Variants in ZNF208 observed in about 807,000 individuals in gnomAD.
ZNF208 encodes the protein zinc finger protein 208, also known as zinc finger protein 95.
ZNF208 carries 10 observed loss-of-function variants against 12.1 expected under a neutral mutation model. That is an observed-to-expected ratio of 0.83 (90% CI 0.51 to 1.40). The LOEUF (loss-of-function observed/expected upper bound fraction) is 1.40. Among genes scored for constraint, ZNF208 ranks in the 40% most tolerant of loss-of-function variants. The pLI is 0.00. For synonymous variants in ZNF208, 497 were observed against 488.4 expected (o/e 1.02, Z -0.23); for missense variants, 1,652 against 1,485.0 (o/e 1.11, Z -1.85).
rs1244440319 is a variant in ZNF208 at position 21,969,142 on chromosome 19, TTTTAGTAAACATG to T, written c.*2036_*2048del. ...GACCTTGGCTAATTTCTTTATTTCT[TTTTAGTAAACATG>T]TTTAGTAAACATTTCTTTTTAGTTC... On this transcript the variant is annotated 3_prime_UTR_variant, in exon 4 of 4. Transcript: ENST00000397126. Among the ~76,000 whole-genome samples, 9 of 152,266 alleles carry T rather than the reference TTTTAGTAAACATG, an allele frequency of 5.9e-5. No homozygotes were observed. The East Asian group carries it at 1.2e-3, about 20-fold the overall frequency.
At chr19:21,961,647 C>T (rs375013225), downstream of ZNF208, among the ~76,000 whole-genome samples, 159 of 152,132 alleles carry the variant, frequency 1.0e-3, no homozygotes, top group South Asian at 0.011. Context: ...GACAGACACT[C>T]CCAGAGCGGC....
Position 21,968,979 on chromosome 19 carries a change from T to TA in ZNF208, c.*2211dup, listed in dbSNP as rs1476139773. Among the ~76,000 whole-genome samples, 1 of 152,106 alleles carries TA rather than the reference T, an allele frequency of 6.6e-6. No homozygotes were observed. The highest frequency in any genetic ancestry group is 1.5e-5 in the Non-Finnish European group (1 of 68,024). ...GTGGGCATATCATGAGGTCAGGAGA[T>TA]AGAGACCGTCCTGGCTAATATGGTG... On this transcript the variant is annotated 3_prime_UTR_variant, in exon 4 of 4. Transcript: ENST00000397126.
downstream of ZNF208, among the ~76,000 whole-genome samples, chr19:21,964,060 A>G (rs1970121573): frequency 6.6e-6 from 1 of 151,980 alleles, no homozygotes; most frequent in African/African-American, 2.4e-5. Flanking sequence ...TAATTATTCC[A>G]TATTTTATAC....
In ZNF208 at chr19:21,971,332, A is replaced by G. The variant is rs777029455; in HGVS notation, c.3702T>C (p.Phe1234=). The G allele has an allele frequency of 6.2e-7, 1 of 1,608,306 alleles. No individual in the cohort carries two copies. The highest frequency in any genetic ancestry group is 1.4e-5 in the African/African-American group (1 of 73,796). The change falls in exon 4 of 4, where the codon TTT becomes TTC. Residue 1234 remains phenylalanine (F), a synonymous_variant. Transcript: ENST00000397126. ...GTTTAGTGAGGATTGAGAACGTACT[A>G]AAGGCTTTGCCACATTCTTCACATT... The part of the protein sequence containing the change: ...PYKCEECGKA[F]STFSILTKHK...
At chr19:22,003,588 T>G (rs1294753858) in intron 1 of ZNF208, among the ~76,000 whole-genome samples, 1 of 151,580 alleles carries the variant, frequency 6.6e-6, no homozygotes, top group African/African-American at 2.4e-5. Context: ...TGCTCATCAC[T>G]AATCATTAGA....
rs376894168 is a variant in ZNF208, at chr19:21,974,216, G to A, written c.818C>T (p.Thr273Ile). 1.7e-4 allele frequency: 275 copies of A among 1,601,774 alleles called. 3 individuals are homozygous for A. The highest frequency in any genetic ancestry group is 2.3e-4 in the Non-Finnish European group (266 of 1,170,740). ...GKAFNQSAIL[T>I]KHKIIHTGEK... ...TCCAGTATGAATTATCTTATGTTTA[G>A]TAAGGATTGCAGATTGGTTAAAAGC... Residue 273 changes from threonine to isoleucine, a missense_variant, in exon 4 of 4, where the codon ACT becomes ATT. This residue lies in a region of ZNF208 where 410 missense variants were observed against 378.2 expected (regional missense o/e 1.08). Transcript: ENST00000397126.
intron 4 of ZNF208, among the ~76,000 whole-genome samples, chr19:21,958,877 A>T (rs1473379974): frequency 6.6e-6 from 1 of 152,100 alleles, no homozygotes; most frequent in Admixed American, 6.6e-5. Context: ...CAGCAAGGGA[A>T]GGGTCCCCAG....
At chr19:21,960,084 T>C (rs1296202288) in intron 4 of ZNF208, among the ~76,000 whole-genome samples, 1 of 152,172 alleles carries the variant, frequency 6.6e-6, no homozygotes, top group Non-Finnish European at 1.5e-5. Context: ...ACCAATTTAA[T>C]CAGAAGCTTC....
intron 3 of ZNF208, 196 bp downstream of exon 3, chr19:21,987,020 G>T: frequency 1.9e-6 from 1 of 537,920 alleles, no homozygotes; most frequent in Non-Finnish European, 3.1e-6. Context: ...TGAAGGGAAA[G>T]AAGAATTCTT....
chr19:21,993,818 CTT>C (rs1970781842), intron 1 of ZNF208, among the ~76,000 whole-genome samples: 1 of 152,030 alleles, frequency 6.6e-6, no homozygotes, highest in Admixed American at 6.6e-5. Context: ...TTTGCTGACT[CTT>C]TAAAGTTTGC....
rs188277662 is a variant in ZNF208, at chr19:21,943,126, C to A, written c.306-9889G>T. On this transcript the variant is annotated intron_variant, in intron 4 of 4. Coordinates refer to the ZNF208 transcript ENST00000599916. Reference sequence around the variant, plus strand: ...AAGGCACTTTTATAACCTTGCACCACGTAAGAAAAAAACTGCAATGCAGTA... The same window carrying A: ...AAGGCACTTTTATAACCTTGCACCAAGTAAGAAAAAAACTGCAATGCAGTA... 9.2e-5 allele frequency among the ~76,000 whole-genome samples: 14 copies of A among 152,052 alleles called. No individual in the cohort carries two copies. In the East Asian group the frequency reaches 2.1e-3, roughly 23 times the overall value.
At chr19:21,959,740 T>C (rs56058873) in intron 4 of ZNF208, among the ~76,000 whole-genome samples, 23,152 of 151,996 alleles carry the variant, frequency 0.15, 1,913 homozygotes, top group Admixed American at 0.22. Flanking sequence ...CACAAGAAAA[T>C]AGAATAAAAA....
chr19:21,965,436 C>T (rs540580081), downstream of ZNF208, among the ~76,000 whole-genome samples: 144 of 152,140 alleles, frequency 9.5e-4, no homozygotes, highest in African/African-American at 3.3e-3. Flanking sequence ...TGAAAACATG[C>T]CAGTGCCCAT....
downstream of ZNF208, among the ~76,000 whole-genome samples, chr19:21,961,820 TCAGG>T (rs1245915822): frequency 2.6e-5 from 4 of 152,170 alleles, no homozygotes; most frequent in African/African-American, 9.7e-5. Context: ...TACCCCACAG[TCAGG>T]CAGACCTTAT....
rs1356246510 is a variant in ZNF208, at chr19:21,969,271, T to G, written c.*1920A>C. On this transcript the variant is annotated 3_prime_UTR_variant, in exon 4 of 4. Coordinates refer to ENST00000397126, the MANE Select transcript of ZNF208 (RefSeq NM_007153.3). ...AAGTATTGGCCACAGTAAGCCAATGTGTCTGGAAAAAAAAAAAATCTGTGT... is the reference window on the plus strand; with the variant it reads ...AAGTATTGGCCACAGTAAGCCAATGGGTCTGGAAAAAAAAAAAATCTGTGT... Among the ~76,000 whole-genome samples the G allele has an allele frequency of 9.8e-6, 1 of 101,944 alleles. No individual in the cohort carries two copies. Among genetic ancestry groups the G allele is most frequent in the Non-Finnish European group, 2.0e-5 (1 of 49,484 alleles). 66.9% of individuals were successfully genotyped at this position (101,944 alleles called of 152,430 possible). A position where few individuals can be genotyped will look rare whatever the true frequency, so the allele number is the denominator to read the frequency against.
chr19:21,971,149 G>A lies in ZNF208; in HGVS notation c.*42C>T, dbSNP rs764322144. 6.2e-7 allele frequency: 1 copy of A among 1,612,622 alleles called. No individual in the cohort carries two copies. Among genetic ancestry groups the A allele is most frequent in the African/African-American group, 1.3e-5 (1 of 74,796 alleles). Reference sequence around the variant, plus strand: ...TATGAATTTTCTTATGATAACTAAGGGTTGAGGGCCACTTATAGGCTTTGC... The same window carrying A: ...TATGAATTTTCTTATGATAACTAAGAGTTGAGGGCCACTTATAGGCTTTGC... On this transcript the variant is annotated 3_prime_UTR_variant, in exon 4 of 4. Transcript: ENST00000397126.
At chr19:21,979,855 A>G (rs1330124918) in intron 3 of ZNF208, among the ~76,000 whole-genome samples, 1 of 152,230 alleles carries the variant, frequency 6.6e-6, no homozygotes, top group Admixed American at 6.5e-5. Flanking sequence ...AGACACATAT[A>G]GGCTCAAAAT....
At chr19:21,979,141 A>C (rs1029392846) in intron 3 of ZNF208, among the ~76,000 whole-genome samples, 15 of 152,172 alleles carry the variant, frequency 9.9e-5, no homozygotes, top group African/African-American at 3.6e-4. Flanking sequence ...GGAACCAAGT[A>C]GGAAAACACT....
At chr19:21,943,751 C>T (rs541009866) in intron 4 of ZNF208, among the ~76,000 whole-genome samples, 1 of 152,202 alleles carries the variant, frequency 6.6e-6, no homozygotes, top group African/African-American at 2.4e-5. Context: ...ATGATATCAA[C>T]TATGAGTCTT....
Sources: gnomAD v4.1 joint callset for allele counts (sites outside exome capture counted in the v4.1 genomes callset) on GRCh38, gnomAD v4.1.1 for gene constraint, gnomAD v4.1.1 regional missense constraint, MANE v1.5 for transcripts, NCBI Gene and HGNC (gene_info 2026-07-23, HGNC 2026-07-21) for gene names.